Variants in EHD3 observed in about 807,000 individuals in gnomAD.
The protein encoded by EHD3 is EH domain-containing protein 3.
Under a neutral mutation model 43.0 loss-of-function variants are expected in EHD3, and 17 were observed. That is an observed-to-expected ratio of 0.40 (90% CI 0.27 to 0.59). EHD3 has a LOEUF of 0.59. EHD3 is among the 20% of genes least tolerant of loss of function. The pLI is 0.49. For synonymous variants in EHD3, 313 were observed against 289.5 expected (o/e 1.08, Z -0.82); for missense variants, 594 against 705.6 (o/e 0.84, Z 1.79).
At chr2:31,246,180 G>C (rs12471126) in intron 2 of EHD3, among the ~76,000 whole-genome samples, 1 of 152,120 alleles carries the variant, frequency 6.6e-6, no homozygotes, top group Non-Finnish European at 1.5e-5. Flanking sequence ...CAGTGGGGCA[G>C]GTGTCCTGGA....
Position 31,249,560 on chromosome 2 carries a change from A to G in EHD3, c.502+92A>G, listed in dbSNP as rs971595627. On this transcript the variant is annotated intron_variant, in intron 3 of 5. Coordinates refer to ENST00000322054, the MANE Select transcript of EHD3 (RefSeq NM_014600.3). ...TACCAGAAGAGAAGCACCCAGGGCCATGCTGTCCCTTGGTGAGCCGGCACT... is the reference window on the plus strand; with the variant it reads ...TACCAGAAGAGAAGCACCCAGGGCCGTGCTGTCCCTTGGTGAGCCGGCACT... 28 of 1,153,640 alleles carry G rather than the reference A, an allele frequency of 2.4e-5. No homozygotes were observed. In the African/African-American group the frequency reaches 3.5e-4, roughly 14 times the overall value. The allele number at this position is 1,153,640 out of a possible 1,614,324, so 71.5% of individuals were successfully genotyped here.
chr2:31,247,833 T>TA (rs937693534), intron 2 of EHD3, among the ~76,000 whole-genome samples: 10 of 151,400 alleles, frequency 6.6e-5, no homozygotes, highest in Admixed American at 2.6e-4. Context: ...ACCAACAGTG[T>TA]AAAAAAAAGA....
intron 1 of EHD3, among the ~76,000 whole-genome samples, chr2:31,238,558 C>T (rs1683362932): frequency 6.6e-6 from 1 of 152,254 alleles, no homozygotes; most frequent in Non-Finnish European, 1.5e-5. Context: ...CGGCTGCCCT[C>T]TCCAACACAG....
chr2:31,243,337 G>A (rs900061954), intron 1 of EHD3, among the ~76,000 whole-genome samples: 1 of 83,900 alleles, frequency 1.2e-5, no homozygotes, highest in Non-Finnish European at 2.6e-5. Context: ...TAATAACATA[G>A]TACTTGTGTG....
rs1214252920 is a variant in EHD3, at chr2:31,234,405, C to T, written c.-217C>T. On this transcript the variant is annotated 5_prime_UTR_variant, in exon 1 of 6. Transcript: ENST00000322054. ...TTATTTATCCTCCCTCCGGCCTGGG[C>T]TGCTGGATGCAGCAGCGGCTGGGCT... 2 of 581,578 alleles carry T rather than the reference C, an allele frequency of 3.4e-6. No homozygotes were observed. The highest frequency in any genetic ancestry group is 6.1e-6 in the Non-Finnish European group (2 of 327,744). 36.0% of individuals were successfully genotyped at this position (581,578 alleles called of 1,614,324 possible).
At chr2:31,243,449 TTTCTTTCTTTC>T (rs1319313769) in intron 1 of EHD3, among the ~76,000 whole-genome samples, 7 of 63,046 alleles carry the variant, frequency 1.1e-4, no homozygotes, top group African/African-American at 1.8e-4. Flanking sequence ...TCTTTCTTTC[TTTCTTTCTTTC>T]TTTTTTTTTT....
intron 2 of EHD3, among the ~76,000 whole-genome samples, chr2:31,244,954 G>A (rs1403600983): frequency 1.3e-5 from 2 of 152,100 alleles, no homozygotes; most frequent in African/African-American, 4.8e-5. Context: ...TCTTCCCCCG[G>A]GACAAGTTCA....
Position 31,266,424 on chromosome 2 carries a change from G to A in EHD3, c.1328G>A (p.Arg443Lys). 3 of 1,613,972 alleles carry A rather than the reference G, an allele frequency of 1.9e-6. No individual in the cohort carries two copies. Among genetic ancestry groups the A allele is most frequent in the Non-Finnish European group, 2.5e-6 (3 of 1,179,948 alleles). Residue 443 changes from arginine to lysine, a missense_variant, in exon 6 of 6, where the codon AGG (arginine) becomes AAG (lysine). Around this residue, in one of 3 missense-constraint regions of EHD3, gnomAD observed 322 missense variants for 348.0 expected, o/e 0.93. Transcript: ENST00000322054. The surrounding 1 kb of genome is among the most constrained non-coding windows in gnomAD (Gnocchi z 5.1). ...GATGATGCTGAGTGGGTGGTGGCCA[G>A]GGACAAGCCCATGTACGACGAGATC... is the stretch of plus-strand genomic sequence containing the variant. ...GIDDAEWVVA[R>K]DKPMYDEIFY... is the part of the protein sequence containing the mutation.
intron 5 of EHD3, 67 bp downstream of exon 5, chr2:31,261,780 TG>T: frequency 6.4e-7 from 1 of 1,571,194 alleles, no homozygotes; most frequent in East Asian, 2.3e-5. Context: ...AGCCTGAGTA[TG>T]GAGGAGGCCA....
Position 31,261,723 on chromosome 2 carries a change from G to A in EHD3, c.1080+10G>A, listed in dbSNP as rs1324715814. 6.2e-7 allele frequency: 1 copy of A among 1,613,552 alleles called. No individual in the cohort carries two copies. Among genetic ancestry groups the A allele is most frequent in the East Asian group, 2.2e-5 (1 of 44,878 alleles). On this transcript the variant is annotated intron_variant, in intron 5 of 5. Transcript: ENST00000322054. Reference sequence around the variant, plus strand: ...TCTGAAGAGGATGCAGGTAGCGAGGGCTGGGGTCTCTAAGACAAGGGACAG... The same window carrying A: ...TCTGAAGAGGATGCAGGTAGCGAGGACTGGGGTCTCTAAGACAAGGGACAG...
intron 5 of EHD3, among the ~76,000 whole-genome samples, chr2:31,264,488 A>G (rs1007838362): frequency 1.3e-5 from 2 of 150,412 alleles, no homozygotes; most frequent in African/African-American, 4.9e-5. Context: ...ATTTTTAGAA[A>G]CATTTTCTTT....
At chr2:31,261,945 G>A (rs1006032455) in intron 5 of EHD3, among the ~76,000 whole-genome samples, 3 of 152,232 alleles carry the variant, frequency 2.0e-5, no homozygotes, top group African/African-American at 2.4e-5. Flanking sequence ...TGGTGCAGGT[G>A]TGTTAGATGA....
chr2:31,253,275 C>CAA (rs1368857243), intron 3 of EHD3, among the ~76,000 whole-genome samples: 2 of 150,568 alleles, frequency 1.3e-5, no homozygotes, highest in East Asian at 3.9e-4. Context: ...CACACACACA[C>CAA]ACACAAATGT....
At chr2:31,258,141 G>A (rs1332615834) in intron 3 of EHD3, among the ~76,000 whole-genome samples, 2 of 152,164 alleles carry the variant, frequency 1.3e-5, no homozygotes, top group Non-Finnish European at 2.9e-5. Flanking sequence ...GGGAATGCTT[G>A]GAAGCACTTC....
At position 31,266,398 on chromosome 2, in the gene EHD3, C is replaced by G. The variant is rs772793398; in HGVS notation, c.1302C>G (p.Ile434Met). 3 of 1,614,014 alleles carry G rather than the reference C, an allele frequency of 1.9e-6. No homozygotes were observed. The highest frequency in any genetic ancestry group is 2.5e-6 in the Non-Finnish European group (3 of 1,179,950). ...HGYGEGAGEG[I>M]DDAEWVVARD... ...ATGGGGAGGGGGCTGGAGAAGGTAT[C>G]GATGATGCTGAGTGGGTGGTGGCCA... The change falls in exon 6 of 6, where the codon ATC (isoleucine) becomes ATG (methionine). Residue 434 changes from isoleucine to methionine, a missense_variant. Transcript: ENST00000322054. This position sits in a 1 kb window ranked among gnomAD's most constrained non-coding sequence, Gnocchi z 5.1.
Position 31,234,287 on chromosome 2 carries a change from CG to C in EHD3, c.-331del. 1 of 341,502 alleles carries C rather than the reference CG, an allele frequency of 2.9e-6. No homozygotes were observed. Among genetic ancestry groups the C allele is most frequent in the Non-Finnish European group, 5.6e-6 (1 of 179,894 alleles). 21.2% of individuals were successfully genotyped at this position (341,502 alleles called of 1,614,324 possible). ...GAGCAGGCGAGGGCTGGGGGCCGAT[CG>C]GGGACCCCGGCTTGGGACCCCGGCA... On this transcript the variant is annotated 5_prime_UTR_variant, in exon 1 of 6. Coordinates refer to ENST00000322054, the MANE Select transcript of EHD3 (RefSeq NM_014600.3).
intron 1 of EHD3, among the ~76,000 whole-genome samples, chr2:31,241,581 A>C (rs1683424756): frequency 6.6e-6 from 1 of 152,294 alleles, no homozygotes; most frequent in East Asian, 1.9e-4. Context: ...TGCTGATATC[A>C]TAGTATGTGG....
intron 3 of EHD3, 144 bp downstream of exon 3, chr2:31,249,612 A>G: frequency 2.7e-6 from 2 of 732,302 alleles, no homozygotes. Context: ...GGATCATTTT[A>G]CCTGGGGCAG....
Position 31,266,785 on chromosome 2 carries a change from C to T in EHD3, c.*81C>T. 7.2e-7 allele frequency: 1 copy of T among 1,380,376 alleles called. No homozygotes were observed. The highest frequency in any genetic ancestry group is 9.8e-7 in the Non-Finnish European group (1 of 1,018,110). The allele number at this position is 1,380,376 out of a possible 1,614,324, so 85.5% of individuals were successfully genotyped here. A position where few individuals can be genotyped will look rare whatever the true frequency, so the allele number is the denominator to read the frequency against. On this transcript the variant is annotated 3_prime_UTR_variant, in exon 6 of 6. Transcript: ENST00000322054. This position sits in a 1 kb window ranked among gnomAD's most constrained non-coding sequence, Gnocchi z 5.1. ...CTACACACACACACACACACACACA[C>T]ACACACACAAACATGCACACACACA...
Sources: gnomAD v4.1 joint callset for allele counts (sites outside exome capture counted in the v4.1 genomes callset) on GRCh38, gnomAD v4.1.1 for gene constraint, gnomAD v4.1.1 regional missense constraint, Gnocchi (gnomAD v3.1) non-coding constraint, MANE v1.5 for transcripts, NCBI Gene and HGNC (gene_info 2026-07-23, HGNC 2026-07-21) for gene names.